Variants in SLAIN2 observed in about 807,000 individuals in gnomAD.
SLAIN2 encodes SLAIN motif-containing protein 2.
Under a neutral mutation model 56.6 loss-of-function variants are expected in SLAIN2, and 31 were observed. The observed-to-expected ratio is 0.55, with a 90% confidence interval of 0.41 to 0.74. The LOEUF (loss-of-function observed/expected upper bound fraction) is 0.74. Ranked by LOEUF, SLAIN2 falls within the 30% of genes least tolerant of loss-of-function variation. The probability of loss-of-function intolerance (pLI) is 0.00; values close to 1 mark genes in which losing one functional copy is unlikely to be tolerated. For synonymous variants in SLAIN2, 317 were observed against 284.9 expected (o/e 1.11, Z -1.13); for missense variants, 777 against 754.2 (o/e 1.03, Z -0.35).
At chr4:48,399,628 T>C (rs1419233048) in intron 6 of SLAIN2, among the ~76,000 whole-genome samples, 2 of 152,192 alleles carry the variant, frequency 1.3e-5, no homozygotes, top group Non-Finnish European at 2.9e-5. Flanking sequence ...CAGTATGATA[T>C]TGGCTGTGGG....
At chr4:48,356,060 AT>A (rs1160611281) in intron 1 of SLAIN2, among the ~76,000 whole-genome samples, 2 of 152,154 alleles carry the variant, frequency 1.3e-5, no homozygotes, top group African/African-American at 4.8e-5. Context: ...AAAAGTGTTA[AT>A]TTTTTAAACC....
intron 7 of SLAIN2, among the ~76,000 whole-genome samples, chr4:48,421,320 G>A (rs752498572): frequency 7.9e-5 from 12 of 152,086 alleles, no homozygotes; most frequent in African/African-American, 2.4e-4. Context: ...GTTTGTTTGC[G>A]TAATCTTCAG....
At chr4:48,373,462 C>T (rs959594804) in intron 2 of SLAIN2, among the ~76,000 whole-genome samples, 4 of 152,118 alleles carry the variant, frequency 2.6e-5, no homozygotes, top group Admixed American at 6.6e-5. Context: ...TGTTGAATCA[C>T]ATTCATTCAT....
At chr4:48,342,384 G>C (rs538661654) in intron 1 of SLAIN2, among the ~76,000 whole-genome samples, 1 of 152,354 alleles carries the variant, frequency 6.6e-6, no homozygotes, top group South Asian at 2.1e-4. Flanking sequence ...ATTGGGGTCT[G>C]TGGGTTGGGG....
chr4:48,412,317 A>G, intron 6 of SLAIN2, among the ~76,000 whole-genome samples: 1 of 142,506 alleles, frequency 7.0e-6, no homozygotes, highest in African/African-American at 2.6e-5. Context: ...ACCAGGGTGG[A>G]GATATCTAAT....
chr4:48,364,943 A>G (rs1204986562), intron 1 of SLAIN2, among the ~76,000 whole-genome samples: 2 of 151,272 alleles, frequency 1.3e-5, no homozygotes, highest in African/African-American at 2.4e-5. Flanking sequence ...TCTCTTTTAT[A>G]AGTCTATTCA....
intron 6 of SLAIN2, among the ~76,000 whole-genome samples, chr4:48,386,277 A>G (rs557194791): frequency 6.6e-6 from 1 of 152,262 alleles, no homozygotes; most frequent in Admixed American, 6.5e-5. Flanking sequence ...AGGAGGTACG[A>G]TTATTACCAC....
intron 1 of SLAIN2, among the ~76,000 whole-genome samples, chr4:48,365,720 C>G (rs1385357131): frequency 6.6e-6 from 1 of 152,004 alleles, no homozygotes; most frequent in Non-Finnish European, 1.5e-5. Flanking sequence ...TGCCACCACA[C>G]TCCGCTAATT....
intron 6 of SLAIN2, among the ~76,000 whole-genome samples, chr4:48,400,688 A>G (rs987981546): frequency 1.3e-5 from 2 of 151,994 alleles, no homozygotes; most frequent in African/African-American, 2.4e-5. Flanking sequence ...GGCGTGAGCC[A>G]CTGTGCCTGG....
intron 6 of SLAIN2, among the ~76,000 whole-genome samples, chr4:48,408,416 A>G (rs973162609): frequency 2.6e-5 from 4 of 151,860 alleles, no homozygotes; most frequent in African/African-American, 9.7e-5. Context: ...TCTATCACCT[A>G]GTAACATCAT....
intron 6 of SLAIN2, among the ~76,000 whole-genome samples, chr4:48,390,721 T>C (rs917237548): frequency 1.1e-4 from 17 of 152,320 alleles, no homozygotes; most frequent in Admixed American, 9.8e-4. Flanking sequence ...TGTTTTTATA[T>C]ATTGATCTGT....
In SLAIN2 at chr4:48,420,111, T is replaced by G. The variant is rs768242776; in HGVS notation, c.1361-14T>G. On this transcript the variant is annotated splice_polypyrimidine_tract_variant and intron_variant, in intron 6 of 7. Coordinates refer to ENST00000264313, the MANE Select transcript of SLAIN2 (RefSeq NM_020846.2). ...TTTCCACTCAAAAATTGGTTTTTCT[T>G]TGCCATCCCACAGTACCTTCTCCAG... is the stretch of plus-strand genomic sequence containing the variant. 1 of 1,610,896 alleles carries G rather than the reference T, an allele frequency of 6.2e-7. No individual in the cohort carries two copies.
At chr4:48,381,066 TA>T (rs1715958029) in intron 4 of SLAIN2, among the ~76,000 whole-genome samples, 1 of 152,140 alleles carries the variant, frequency 6.6e-6, no homozygotes, top group Non-Finnish European at 1.5e-5. Flanking sequence ...GTCAGCTGGT[TA>T]GGGGGTGGTT....
At chr4:48,405,379 A>G (rs1396454939) in intron 6 of SLAIN2, among the ~76,000 whole-genome samples, 1 of 151,890 alleles carries the variant, frequency 6.6e-6, no homozygotes, top group Non-Finnish European at 1.5e-5. Context: ...ATGTCTTTTT[A>G]AGTTTCTCTT....
At chr4:48,358,029 A>G (rs1394958450) in intron 1 of SLAIN2, among the ~76,000 whole-genome samples, 1 of 152,064 alleles carries the variant, frequency 6.6e-6, no homozygotes, top group Non-Finnish European at 1.5e-5. Flanking sequence ...GGAATCTTTT[A>G]TATTCTTTTT....
intron 1 of SLAIN2, among the ~76,000 whole-genome samples, chr4:48,358,341 C>CG (rs1715219515): frequency 6.9e-6 from 1 of 145,054 alleles, no homozygotes; most frequent in African/African-American, 2.6e-5. Flanking sequence ...TTTTTTGAGA[C>CG]GGAGTTTCAC....
chr4:48,348,173 A>C (rs1461090452), intron 1 of SLAIN2, among the ~76,000 whole-genome samples: 1 of 152,156 alleles, frequency 6.6e-6, no homozygotes, highest in Non-Finnish European at 1.5e-5. Flanking sequence ...AATAGGTGTA[A>C]ATTAGAGGCA....
At chr4:48,377,316 T>C (rs6829705) in intron 2 of SLAIN2, among the ~76,000 whole-genome samples, 70,219 of 149,408 alleles carry the variant, frequency 0.47, 17,554 homozygotes, top group African/African-American at 0.64. Flanking sequence ...CCAAGTAGCA[T>C]GCACCACCAT....
At chr4:48,388,121 A>T (rs1012554392) in intron 6 of SLAIN2, among the ~76,000 whole-genome samples, 1 of 152,044 alleles carries the variant, frequency 6.6e-6, no homozygotes, top group Non-Finnish European at 1.5e-5. Context: ...TTATATGCTT[A>T]TTTGCTGTGG....
Sources: allele counts gnomAD v4.1 joint callset (sites outside exome capture counted in the v4.1 genomes callset), GRCh38; gene constraint gnomAD v4.1.1; transcripts MANE v1.5; gene names NCBI Gene and HGNC (gene_info 2026-07-23, HGNC 2026-07-21).